The following EEA1 variants were observed in gnomAD, a reference collection of about 807,000 sequenced individuals.
The protein encoded by EEA1 is early endosome antigen 1, 162kD.
A neutral mutation model predicts 209.2 loss-of-function variants in EEA1; 111 were observed. That is an observed-to-expected ratio of 0.53 (90% CI 0.45 to 0.62). The LOEUF (loss-of-function observed/expected upper bound fraction) is 0.62. Ranked by LOEUF, EEA1 falls within the 20% of genes least tolerant of loss-of-function variation. The probability of loss-of-function intolerance (pLI) is 0.00; values close to 1 mark genes in which losing one functional copy is unlikely to be tolerated. For missense variants in EEA1, 1,343 were observed against 1,530.8 expected, an observed-to-expected ratio of 0.88 and a Z score of 2.05; for synonymous variants, 536 against 540.6, an observed-to-expected ratio of 0.99 and a Z score of 0.12.
intron 15 of EEA1, among the ~76,000 whole-genome samples, chr12:92,814,108 G>GT (rs1394817202): frequency 6.6e-6 from 1 of 152,012 alleles, no homozygotes; most frequent in Non-Finnish European, 1.5e-5. Context: ...AGTAAAAATG[G>GT]GGGGTGCATT....
At chr12:92,928,088 T>C (rs1269991774) in intron 1 of EEA1, among the ~76,000 whole-genome samples, 1 of 151,998 alleles carries the variant, frequency 6.6e-6, no homozygotes, top group East Asian at 1.9e-4. Context: ...ACTAATAGGC[T>C]CGGCACCTAC....
At position 92,808,478 on chromosome 12, in the gene EEA1, ATT is replaced by A. The variant is rs775633861; in HGVS notation, c.2339+537_2339+538del. 7.4e-4 allele frequency among the ~76,000 whole-genome samples: 103 copies of A among 139,088 alleles called. 1 individual carries two copies. Among genetic ancestry groups the A allele is most frequent in the African/African-American group, 2.3e-3 (86 of 38,108 alleles). The allele number at this position is 139,088 out of a possible 152,430, so 91.2% of individuals were successfully genotyped here. Reference sequence around the variant, plus strand: ...CAAAATGCATCACAAAGCTGAGGTTATTTTTTTTTTTTTTTTCTTTTTGAGAT... The same window carrying A: ...CAAAATGCATCACAAAGCTGAGGTTATTTTTTTTTTTTTTCTTTTTGAGAT... On this transcript the variant is annotated intron_variant, in intron 18 of 28. Coordinates refer to ENST00000322349, the MANE Select transcript of EEA1 (RefSeq NM_003566.4).
Position 92,853,951 on chromosome 12 carries a change from C to A in EEA1, c.370G>T (p.Ala124Ser). 6.3e-7 allele frequency: 1 copy of A among 1,579,742 alleles called. No individual in the cohort carries two copies. The change falls in exon 6 of 29, where the codon GCC (alanine) becomes TCC (serine). Residue 124 changes from alanine (A) to serine (S), a missense_variant. Physicochemically the swap from Ala to Ser is moderately conservative, Grantham distance 99. Around this residue, in one of 3 missense-constraint regions of EEA1, gnomAD observed 1,307 missense variants for 1,465.5 expected, o/e 0.89. Coordinates refer to ENST00000322349, the MANE Select transcript of EEA1 (RefSeq NM_003566.4). ...EKYQGLQQQEAKPDGLVTDSS... is the reference protein window; with the variant it reads ...EKYQGLQQQESKPDGLVTDSS... ...TCAGTCACCAACCCATCAGGTTTGG[C>A]CTCCTCAATTAAAACAAAAGACATA...
intron 11 of EEA1, 27 bp from the exon 12 acceptor site, chr12:92,828,088 G>A (rs772739315): frequency 9.3e-6 from 14 of 1,510,808 alleles, no homozygotes; most frequent in Middle Eastern, 3.5e-4. Context: ...AAAAATGTAT[G>A]TACATATGTA....
At chr12:92,883,232 C>A (rs1030152103) in intron 2 of EEA1, among the ~76,000 whole-genome samples, 3 of 152,094 alleles carry the variant, frequency 2.0e-5, no homozygotes, top group African/African-American at 7.2e-5. Context: ...CTGTTCGTGT[C>A]TTTTGACCAT....
intron 2 of EEA1, among the ~76,000 whole-genome samples, chr12:92,876,313 A>T (rs1846395): frequency 0.93 from 140,916 of 152,178 alleles, 65,332 homozygotes; most frequent in East Asian, 1. Context: ...TCCTCCCACC[A>T]CAGCCTCCCA....
Position 92,772,854 on chromosome 12 carries a change from C to T in EEA1, c.*3157G>A, listed in dbSNP as rs1873489500. 1 of 152,284 alleles carries T rather than the reference C, an allele frequency of 6.6e-6. No homozygotes were observed. The highest frequency in any genetic ancestry group is 1.5e-5 in the Non-Finnish European group (1 of 67,774). 9.4% of individuals were successfully genotyped at this position (152,284 alleles called of 1,614,324 possible). On this transcript the variant is annotated 3_prime_UTR_variant, in exon 29 of 29. Coordinates refer to ENST00000322349, the MANE Select transcript of EEA1 (RefSeq NM_003566.4). ...GAATTACAGAATGTCATATACACAACTGCATTGTGTTACAATAAATTTATT... is the reference window on the plus strand; with the variant it reads ...GAATTACAGAATGTCATATACACAATTGCATTGTGTTACAATAAATTTATT...
intron 10 of EEA1, among the ~76,000 whole-genome samples, chr12:92,834,718 A>T (rs1003273489): frequency 6.6e-6 from 1 of 152,274 alleles, no homozygotes; most frequent in African/African-American, 2.4e-5. Flanking sequence ...ACAGAACAAA[A>T]ATAATACTTC....
rs573029341 is a variant in EEA1 at position 92,799,235 on chromosome 12, A to G, written c.2773-149T>C. The G allele has an allele frequency of 3.9e-5, 24 of 613,046 alleles. No individual in the cohort carries two copies. The South Asian group carries it at 7.7e-4, about 20-fold the overall frequency. The allele number at this position is 613,046 out of a possible 1,614,324, so 38.0% of individuals were successfully genotyped here. On this transcript the variant is annotated intron_variant, in intron 20 of 28. Coordinates refer to ENST00000322349, the MANE Select transcript of EEA1 (RefSeq NM_003566.4). The stretch of plus-strand genomic sequence containing the variant: ...ACTACTACACTCCAGGCACTACTCT[A>G]GGAAGAAATTACTGAGGCTGTTGGC...
At chr12:92,830,008 G>A (rs1396311906) in intron 11 of EEA1, among the ~76,000 whole-genome samples, 1 of 134,168 alleles carries the variant, frequency 7.5e-6, no homozygotes, top group Non-Finnish European at 1.7e-5. Flanking sequence ...TTTAGGGAGA[G>A]TGTGGGGGGG....
intron 22 of EEA1, among the ~76,000 whole-genome samples, chr12:92,785,626 T>G (rs982789466): frequency 1.1e-4 from 17 of 152,214 alleles, no homozygotes; most frequent in African/African-American, 4.1e-4. Flanking sequence ...TTACCAATCT[T>G]TTATTTTGTT....
Position 92,826,304 on chromosome 12 carries a change from G to T in EEA1, c.1405-19C>A. On this transcript the variant is annotated intron_variant, in intron 12 of 28. Transcript: ENST00000322349. ...CCTTCAACTTAAAAAAATGTAGATTGTCAATTGAGAACTTAAAGGCATAAT... is the reference window on the plus strand; with the variant it reads ...CCTTCAACTTAAAAAAATGTAGATTTTCAATTGAGAACTTAAAGGCATAAT... The T allele has an allele frequency of 6.2e-7, 1 of 1,601,712 alleles. No homozygotes were observed. The highest frequency in any genetic ancestry group is 2.2e-5 in the East Asian group (1 of 44,616).
At chr12:92,785,060 G>GT (rs1029735845) in intron 22 of EEA1, among the ~76,000 whole-genome samples, 1 of 142,144 alleles carries the variant, frequency 7.0e-6, no homozygotes, top group African/African-American at 2.6e-5. Flanking sequence ...ATTTTTAGTT[G>GT]TTTTTTCTTG....
intron 21 of EEA1, among the ~76,000 whole-genome samples, chr12:92,791,525 A>G (rs577791546): frequency 6.6e-6 from 1 of 152,332 alleles, no homozygotes; most frequent in African/African-American, 2.4e-5. Context: ...AAAGAGACAA[A>G]GAGGCCATTA....
chr12:92,851,191 T>C lies in EEA1; in HGVS notation c.718A>G (p.Met240Val), dbSNP rs1291355084. ...GATTCTCGCTCACGTTCCAAGGTCA[T>C]GTTATCCATTAGTGTTTGAACTTGG... ...LVQVQTLMDN[M>V]TLERERESEK... is the part of the protein sequence containing the mutation. Residue 240 changes from methionine (M) to valine (V), a missense_variant, in exon 9 of 29, where the codon ATG becomes GTG. Coordinates refer to ENST00000322349, the MANE Select transcript of EEA1 (RefSeq NM_003566.4). 3 of 1,614,018 alleles carry C rather than the reference T, an allele frequency of 1.9e-6. No individual in the cohort carries two copies.
chr12:92,917,137 T>C (rs1270434058), intron 1 of EEA1, among the ~76,000 whole-genome samples: 3 of 140,798 alleles, frequency 2.1e-5, no homozygotes, highest in Non-Finnish European at 3.1e-5. Flanking sequence ...CTGAAAGTGA[T>C]GGGGAGAATG....
intron 11 of EEA1, 34 bp downstream of exon 11, chr12:92,832,478 G>C: frequency 6.4e-7 from 1 of 1,552,810 alleles, no homozygotes; most frequent in Non-Finnish European, 8.7e-7. Flanking sequence ...AAACCAGAGG[G>C]AGAATTACAA....
chr12:92,923,360 A>G (rs938423573), intron 1 of EEA1, among the ~76,000 whole-genome samples: 4 of 152,232 alleles, frequency 2.6e-5, no homozygotes, highest in African/African-American at 9.6e-5. Context: ...AACAAAAAAA[A>G]AAATTTTCTG....
At chr12:92,842,644 G>A in intron 9 of EEA1, 63 bp from the exon 10 acceptor site, 1 of 1,002,376 alleles carries the variant, frequency 1.0e-6, no homozygotes, top group South Asian at 1.6e-5. Context: ...TAAAAAAAAT[G>A]AAAGTATATA....
Sources: gnomAD v4.1 joint callset for allele counts (sites outside exome capture counted in the v4.1 genomes callset) on GRCh38, gnomAD v4.1.1 for gene constraint, gnomAD v4.1.1 regional missense constraint, MANE v1.5 for transcripts, NCBI Gene and HGNC (gene_info 2026-07-23, HGNC 2026-07-21) for gene names.